Variants in SLC14A2 observed in about 807,000 individuals in gnomAD.
SLC14A2 encodes urea transporter 2.
Under a neutral mutation model 104.6 loss-of-function variants are expected in SLC14A2, and 91 were observed. That is an observed-to-expected ratio of 0.87 (90% CI 0.73 to 1.04). The LOEUF (loss-of-function observed/expected upper bound fraction) is 1.04. Among genes scored for constraint, SLC14A2 ranks in the 50% least tolerant of loss-of-function variants. The probability of loss-of-function intolerance (pLI) is 0.00; values close to 1 mark genes in which losing one functional copy is unlikely to be tolerated. For synonymous variants in SLC14A2, 476 were observed against 466.4 expected, an observed-to-expected ratio of 1.02 and a Z score of -0.27; for missense variants, 1,189 against 1,156.0, an observed-to-expected ratio of 1.03 and a Z score of -0.41.
At chr18:45,481,968 G>A (rs916601952) in intron 1 of SLC14A2, among the ~76,000 whole-genome samples, 4 of 152,044 alleles carry the variant, frequency 2.6e-5, no homozygotes, top group African/African-American at 9.7e-5. Context: ...CTTGTTTGGG[G>A]CTTTGGTTTC....
At chr18:45,256,998 C>A (rs1397919982) in intron 1 of SLC14A2, among the ~76,000 whole-genome samples, 2 of 152,224 alleles carry the variant, frequency 1.3e-5, no homozygotes, top group Non-Finnish European at 2.9e-5. Context: ...ATTGTATGCT[C>A]TAATGTGGAT....
the SLC14A2 span, among the ~76,000 whole-genome samples, chr18:45,192,954 C>T: frequency 1.3e-5 from 2 of 151,880 alleles, no homozygotes; most frequent in Non-Finnish European, 2.9e-5. Flanking sequence ...CGGGCCTGGC[C>T]AGCAGGTAGT....
At chr18:45,619,449 G>A (rs2045128480) in intron 1 of SLC14A2, among the ~76,000 whole-genome samples, 1 of 152,260 alleles carries the variant, frequency 6.6e-6, no homozygotes, top group South Asian at 2.1e-4. Flanking sequence ...ATTCAACAAG[G>A]AGGGTTCTTA....
chr18:45,459,730 A>T (rs2087009469), intron 1 of SLC14A2, among the ~76,000 whole-genome samples: 1 of 152,164 alleles, frequency 6.6e-6, no homozygotes, highest in African/African-American at 2.4e-5. Context: ...TTGGAAACTA[A>T]AAGCTCTCAT....
intron 1 of SLC14A2, among the ~76,000 whole-genome samples, chr18:45,387,925 G>C (rs2085915971): frequency 6.6e-6 from 1 of 152,006 alleles, no homozygotes; most frequent in Admixed American, 6.6e-5. Flanking sequence ...TCTCTCATGA[G>C]GTCAGGTTAT....
At chr18:45,655,756 G>T (rs1418963571) in intron 10 of SLC14A2, among the ~76,000 whole-genome samples, 1 of 152,162 alleles carries the variant, frequency 6.6e-6, no homozygotes, top group Non-Finnish European at 1.5e-5. Context: ...TATTGCGATT[G>T]GGATGACACA....
intron 1 of SLC14A2, among the ~76,000 whole-genome samples, chr18:45,214,914 TAAAAA>T (rs11332986): frequency 8.8e-6 from 1 of 113,902 alleles, no homozygotes; most frequent in Non-Finnish European, 1.8e-5. Context: ...ACCATGTCTT[TAAAAA>T]AAAAAAAAAA....
intron 1 of SLC14A2, among the ~76,000 whole-genome samples, chr18:45,423,294 G>C (rs892476430): frequency 6.6e-6 from 1 of 152,196 alleles, no homozygotes; most frequent in African/African-American, 2.4e-5. Context: ...CCTTCTGAAA[G>C]GTGGTTATAT....
chr18:45,504,592 T>C (rs1456085847), intron 2 of SLC14A2, among the ~76,000 whole-genome samples: 1 of 152,240 alleles, frequency 6.6e-6, no homozygotes. Flanking sequence ...GTCTTTCTCT[T>C]ATCTGGTCAG....
intron 2 of SLC14A2, among the ~76,000 whole-genome samples, chr18:45,599,891 T>C (rs759502693): frequency 6.6e-6 from 1 of 152,042 alleles, no homozygotes; most frequent in Non-Finnish European, 1.5e-5. Context: ...TTATAAACCA[T>C]CAGATCTCGT....
At chr18:45,386,921 G>A (rs528548492) in intron 1 of SLC14A2, among the ~76,000 whole-genome samples, 1 of 152,340 alleles carries the variant, frequency 6.6e-6, no homozygotes, top group East Asian at 1.9e-4. Flanking sequence ...GTAAATGGCA[G>A]CTTGTTATTA....
chr18:45,496,881 C>T (rs1415759054), intron 2 of SLC14A2, among the ~76,000 whole-genome samples: 1 of 152,190 alleles, frequency 6.6e-6, no homozygotes, highest in Non-Finnish European at 1.5e-5. Flanking sequence ...CACCCTTGGA[C>T]ATTAGACTCC....
At chr18:45,202,563 G>A in the SLC14A2 span, among the ~76,000 whole-genome samples, 1 of 152,106 alleles carries the variant, frequency 6.6e-6, no homozygotes, top group African/African-American at 2.4e-5. Flanking sequence ...TAGCAAAGAG[G>A]AGGAGAATGA....
chr18:45,168,029 T>G, the SLC14A2 span, among the ~76,000 whole-genome samples: 1 of 152,180 alleles, frequency 6.6e-6, no homozygotes, highest in South Asian at 2.1e-4. Flanking sequence ...CATGGCCAGC[T>G]CGACAGAGAG....
At chr18:45,539,123 A>G (rs1338527454) in intron 2 of SLC14A2, among the ~76,000 whole-genome samples, 1 of 151,294 alleles carries the variant, frequency 6.6e-6, no homozygotes, top group East Asian at 1.9e-4. Context: ...AAAACTGGAG[A>G]GTCGAGGTCC....
chr18:45,188,033 A>G, the SLC14A2 span, among the ~76,000 whole-genome samples: 1 of 152,116 alleles, frequency 6.6e-6, no homozygotes, highest in Non-Finnish European at 1.5e-5. Flanking sequence ...GTTACCTAAT[A>G]TATCCCGGGT....
At chr18:45,351,813 C>T (rs2085506485) in intron 1 of SLC14A2, among the ~76,000 whole-genome samples, 1 of 152,112 alleles carries the variant, frequency 6.6e-6, no homozygotes, top group African/African-American at 2.4e-5. Context: ...CTACAAATCA[C>T]ATCACAGAGT....
intron 1 of SLC14A2, among the ~76,000 whole-genome samples, chr18:45,467,354 T>C (rs1414164750): frequency 6.6e-6 from 1 of 152,200 alleles, no homozygotes; most frequent in Non-Finnish European, 1.5e-5. Context: ...GCGGATGTTA[T>C]GTCATTTCCC....
chr18:45,600,026 G>C (rs1324471771), intron 2 of SLC14A2, among the ~76,000 whole-genome samples: 2 of 152,008 alleles, frequency 1.3e-5, no homozygotes. Flanking sequence ...AACAATATCA[G>C]AGCCCTTCTC....
Sources: gnomAD v4.1 joint callset for allele counts (sites outside exome capture counted in the v4.1 genomes callset) on GRCh38, gnomAD v4.1.1 for gene constraint, MANE v1.5 for transcripts, NCBI Gene and HGNC (gene_info 2026-07-23, HGNC 2026-07-21) for gene names.